ADGRF1: variants seen among roughly 807,000 people sequenced by gnomAD.
The protein encoded by ADGRF1 is G protein-coupled receptor 110.
ADGRF1 carries 85 observed loss-of-function variants against 87.2 expected under a neutral mutation model. The observed-to-expected ratio is 0.97, with a 90% CI of 0.82 to 1.17. The LOEUF is 1.17. ADGRF1 is among the 50% of genes most tolerant of loss of function. The probability of loss-of-function intolerance (pLI) is 0.00; values close to 1 mark genes in which losing one functional copy is unlikely to be tolerated. For missense variants in ADGRF1, 1,169 were observed against 1,077.2 expected, an observed-to-expected ratio of 1.09 and a Z score of -1.19; for synonymous variants, 430 against 408.8, an observed-to-expected ratio of 1.05 and a Z score of -0.63.
intron 9 of ADGRF1, chr6:47,012,546 T>A (rs1305809695): frequency 1.5e-5 from 11 of 711,176 alleles, no homozygotes; most frequent in Non-Finnish European, 1.9e-5. Context: ...AAAATCATTT[T>A]CATATAAATT....
At position 47,040,488 on chromosome 6, in the gene ADGRF1, T is replaced by TA. The variant is rs66819789; in HGVS notation, c.-44+1702dup. On this transcript the variant is annotated intron_variant, in intron 1 of 14. Coordinates refer to ENST00000371253, the MANE Select transcript of ADGRF1 (RefSeq NM_153840.4). ...CTCCGTCTCAAAAAATAAAATAAAA[T>TA]AAAAAAAAAAACAGGCAAAATATTT... Among the ~76,000 whole-genome samples the TA allele has an allele frequency of 3.7e-3, 550 of 149,974 alleles. 5 individuals are homozygous for TA. Among genetic ancestry groups the TA allele is most frequent in the African/African-American group, 0.012 (509 of 40,822 alleles).
rs181452374 is a variant in ADGRF1, at chr6:47,022,888, C to G, written c.452-830G>C. Among the ~76,000 whole-genome samples the G allele has an allele frequency of 6.0e-3, 898 of 150,496 alleles. 11 individuals are homozygous for G. Among genetic ancestry groups the G allele is most frequent in the African/African-American group, 0.021 (856 of 40,586 alleles). On this transcript the variant is annotated intron_variant, in intron 5 of 14. Transcript: ENST00000371253. ...TGGCACGATCTTGGCTCACTGCAGC[C>G]TCAGTCTTCTGGGTTCAAGCAATCC...
intron 1 of ADGRF1, among the ~76,000 whole-genome samples, chr6:47,036,926 T>G (rs1406140866): frequency 1.3e-5 from 2 of 152,180 alleles, no homozygotes; most frequent in Non-Finnish European, 2.9e-5. Flanking sequence ...TCCCACAATT[T>G]GTGCTCAAAC....
chr6:47,031,584 C>G (rs1386540435), intron 1 of ADGRF1, among the ~76,000 whole-genome samples: 3 of 152,010 alleles, frequency 2.0e-5, no homozygotes, highest in African/African-American at 7.2e-5. Context: ...AACTTAGCAT[C>G]AGAATTTCAG....
chr6:47,024,958 G>GT (rs1561876949), intron 4 of ADGRF1, among the ~76,000 whole-genome samples: 1 of 152,154 alleles, frequency 6.6e-6, no homozygotes, highest in Non-Finnish European at 1.5e-5. Context: ...ATTCTAGAGC[G>GT]TATTTGACCA....
At position 47,024,210 on chromosome 6, in the gene ADGRF1, G is replaced by C. The variant is rs772822881; in HGVS notation, c.285C>G (p.Asn95Lys). 1 of 1,612,882 alleles carries C rather than the reference G, an allele frequency of 6.2e-7. No homozygotes were observed. The highest frequency in any genetic ancestry group is 8.5e-7 in the Non-Finnish European group (1 of 1,179,252). The change falls in exon 5 of 15, where the codon AAC becomes AAG. Residue 95 changes from asparagine to lysine, a missense_variant. Coordinates refer to ENST00000371253, the MANE Select transcript of ADGRF1 (RefSeq NM_153840.4). ...TACACTGCAGGACTCCATTCAGGCT[G>C]TTGCAGTCTGCACAAGAAATAGAAC... ...IIRAKATTDC[N>K]SLNGVLQCTC... is the part of the protein sequence containing the mutation.
intron 7 of ADGRF1, chr6:47,019,847 A>C: frequency 4.1e-6 from 4 of 984,672 alleles, no homozygotes; most frequent in Non-Finnish European, 4.8e-6. Context: ...AAACATGGCT[A>C]ACTAAACAAC....
intron 7 of ADGRF1, chr6:47,018,557 C>G: frequency 7.8e-7 from 1 of 1,289,524 alleles, no homozygotes; most frequent in Non-Finnish European, 1.0e-6. Flanking sequence ...TGAAGTTAAA[C>G]CAGGTTCCAC....
At chr6:47,008,588 C>A (rs557124401) in intron 11 of ADGRF1, among the ~76,000 whole-genome samples, 1 of 152,270 alleles carries the variant, frequency 6.6e-6, no homozygotes, top group Admixed American at 6.5e-5. Flanking sequence ...TCCTTTGCAC[C>A]ATTCAGAGTC....
rs2113881451 is a variant in ADGRF1 at position 47,009,892 on chromosome 6, T to C, written c.1543A>G (p.Ile515Val). The change falls in exon 11 of 15, where the codon ATA becomes GTA. Residue 515 changes from isoleucine (I) to valine (V), a missense_variant. By Grantham distance (29) the Ile-to-Val change is conservative (BLOSUM62 3). Transcript: ENST00000371253. ...VISTVIQNYS[I>V]NEVFLFFSKI... ...GAAAAAAATAGGAAAACTTCATTTA[T>C]GGAATAGTTTTGAATAACCGTGGAT... The C allele has an allele frequency of 2.5e-6, 4 of 1,614,084 alleles. No individual in the cohort carries two copies. Among genetic ancestry groups the C allele is most frequent in the Non-Finnish European group, 1.7e-6 (2 of 1,179,920 alleles).
rs538120278 is a variant in ADGRF1 at position 47,016,475 on chromosome 6, A to C, written c.763+142T>G. 65 of 858,804 alleles carry C rather than the reference A, an allele frequency of 7.6e-5. 1 individual carries two copies. In the South Asian group the frequency reaches 1.6e-3, roughly 21 times the overall value. The allele number at this position is 858,804 out of a possible 1,614,324, so 53.2% of individuals were successfully genotyped here. On this transcript the variant is annotated intron_variant, in intron 8 of 14. Coordinates refer to ENST00000371253, the MANE Select transcript of ADGRF1 (RefSeq NM_153840.4). ...CTAAGTTTCATCTTGGTGCTGGGGG[A>C]AACAGCTGCCTGTTTGTGCTGAAAG...
chr6:47,028,515 C>T (rs77897892), intron 2 of ADGRF1, among the ~76,000 whole-genome samples: 1,553 of 152,144 alleles, frequency 0.01, 25 homozygotes, highest in African/African-American at 0.035. Flanking sequence ...GGAAATAACA[C>T]GTAGGTAATG....
Position 47,011,883 on chromosome 6 carries a change from T to C in ADGRF1, c.1116+124A>G. On this transcript the variant is annotated intron_variant, in intron 10 of 14. Coordinates refer to ENST00000371253, the MANE Select transcript of ADGRF1 (RefSeq NM_153840.4). Reference sequence around the variant, plus strand: ...GTATACCTCAGAGGAAGCAGTAAAGTTCACATAAAGACGCATACATGGCTT... The same window carrying C: ...GTATACCTCAGAGGAAGCAGTAAAGCTCACATAAAGACGCATACATGGCTT... 4.9e-6 allele frequency: 4 copies of C among 824,412 alleles called. No individual in the cohort carries two copies. In the South Asian group the frequency reaches 7.7e-5, roughly 16 times the overall value. 51.1% of individuals were successfully genotyped at this position (824,412 alleles called of 1,614,324 possible).
In ADGRF1 at chr6:46,997,962, G is replaced by T. The variant is rs560215146; in HGVS notation, c.*2260C>A. ...AGTTTGGTAATTATGACTCCCAGTC[G>T]CCTACAATAAGAAGAAACTACAATA... On this transcript the variant is annotated 3_prime_UTR_variant, in exon 15 of 15. Transcript: ENST00000371253. The T allele has an allele frequency of 6.6e-6, 1 of 152,124 alleles. No individual in the cohort carries two copies. The highest frequency in any genetic ancestry group is 2.1e-4 in the South Asian group (1 of 4,818). The allele number at this position is 152,124 out of a possible 1,614,324, so 9.4% of individuals were successfully genotyped here.
At position 46,998,302 on chromosome 6, in the gene ADGRF1, T is replaced by C. The variant is rs574269426; in HGVS notation, c.*1920A>G. On this transcript the variant is annotated 3_prime_UTR_variant, in exon 15 of 15. Coordinates refer to ENST00000371253, the MANE Select transcript of ADGRF1 (RefSeq NM_153840.4). Reference sequence around the variant, plus strand: ...CCTGACTTCTCATCTTTAGCTTGTGTAGATTTTTTTGTATTCCAGGTGGTC... The same window carrying C: ...CCTGACTTCTCATCTTTAGCTTGTGCAGATTTTTTTGTATTCCAGGTGGTC... 37 of 152,310 alleles carry C rather than the reference T, an allele frequency of 2.4e-4. No homozygotes were observed. The highest frequency in any genetic ancestry group is 8.2e-4 in the African/African-American group (34 of 41,546). The allele number at this position is 152,310 out of a possible 1,614,324, so 9.4% of individuals were successfully genotyped here. A position where few individuals can be genotyped will look rare whatever the true frequency, so the allele number is the denominator to read the frequency against.
rs9463286 is a variant in ADGRF1 at position 47,038,289 on chromosome 6, C to T, written c.-44+3902G>A. On this transcript the variant is annotated intron_variant, in intron 1 of 14. Transcript: ENST00000371253. ...TCTTAAGTTAATTTAGGTTTTGGGA[C>T]GAAATAAGTAAATATTCAATCCTGC... 7.9e-4 allele frequency among the ~76,000 whole-genome samples: 120 copies of T among 152,194 alleles called. 1 individual carries two copies. The highest frequency in any genetic ancestry group is 6.8e-3 in the Middle Eastern group (2 of 294).
At chr6:47,028,289 T>C (rs1421404177) in intron 2 of ADGRF1, among the ~76,000 whole-genome samples, 1 of 145,722 alleles carries the variant, frequency 6.9e-6, no homozygotes, top group Non-Finnish European at 1.5e-5. Flanking sequence ...ACGGAAGTAG[T>C]GAGAAATTTT....
At chr6:47,029,864 T>C (rs1780357518) in intron 1 of ADGRF1, among the ~76,000 whole-genome samples, 1 of 152,208 alleles carries the variant, frequency 6.6e-6, no homozygotes, top group Admixed American at 6.5e-5. Flanking sequence ...GCTACCATAT[T>C]GGGTAGCTCA....
chr6:47,031,292 CTGTCTGACTCTCTCTGTCTCTCTG>C (rs1780414350), intron 1 of ADGRF1, among the ~76,000 whole-genome samples: 1 of 150,826 alleles, frequency 6.6e-6, no homozygotes, highest in African/African-American at 2.4e-5. Flanking sequence ...CTCTCTCTCT[CTGTCTGACTCTCTCTGTCTCTCTG>C]TCTCTCTCTC....
Sources: gnomAD v4.1 joint callset for allele counts (sites outside exome capture counted in the v4.1 genomes callset) on GRCh38, gnomAD v4.1.1 for gene constraint, MANE v1.5 for transcripts, NCBI Gene and HGNC (gene_info 2026-07-23, HGNC 2026-07-21) for gene names.